CALN1: variants seen among roughly 807,000 people sequenced by gnomAD.
The protein encoded by CALN1 is calneuron 1.
Under a neutral mutation model 30.6 loss-of-function variants are expected in CALN1, and 17 were observed. The observed-to-expected ratio is 0.56, with a 90% CI of 0.38 to 0.83. The LOEUF (loss-of-function observed/expected upper bound fraction) is 0.83, where lower values mean the gene tolerates loss of function less well. CALN1 is among the 40% of genes least tolerant of loss of function. CALN1 has a pLI of 0.00. For synonymous variants in CALN1, 156 were observed against 131.4 expected (o/e 1.19, Z -1.28); for missense variants, 291 against 354.9 (o/e 0.82, Z 1.45).
At chr7:71,926,570 T>C (rs1390658377) in intron 5 of CALN1, among the ~76,000 whole-genome samples, 2 of 152,224 alleles carry the variant, frequency 1.3e-5, no homozygotes, top group South Asian at 2.1e-4. Flanking sequence ...TGCTATTATC[T>C]CTTCAAGTAG....
intron 2 of CALN1, among the ~76,000 whole-genome samples, chr7:72,391,707 T>A (rs1294816965): frequency 1.3e-5 from 2 of 151,972 alleles, no homozygotes; most frequent in South Asian, 2.1e-4. Context: ...TGCACAAGTT[T>A]TTTTGTTTTT....
intron 2 of CALN1, chr7:72,337,295 T>G: frequency 1.0e-6 from 1 of 985,204 alleles, no homozygotes; most frequent in Non-Finnish European, 1.2e-6. Flanking sequence ...CTTGGCCGCC[T>G]GCGCCCCAGC....
At chr7:71,957,886 GA>G (rs1279220357) in intron 5 of CALN1, among the ~76,000 whole-genome samples, 2 of 151,776 alleles carry the variant, frequency 1.3e-5, no homozygotes, top group African/African-American at 4.8e-5. Context: ...CCAACATGAT[GA>G]AACCCCATCT....
rs144263069 is a variant in CALN1, at chr7:72,412,227, C to T, written c.-243G>A. The T allele has an allele frequency of 0.016, 2,367 of 152,400 alleles. 25 individuals are homozygous for T. Among genetic ancestry groups the T allele is most frequent in the Middle Eastern group, 0.027 (8 of 294 alleles). 9.4% of individuals were successfully genotyped at this position (152,400 alleles called of 1,614,324 possible). A position where few individuals can be genotyped will look rare whatever the true frequency, so the allele number is the denominator to read the frequency against. On this transcript the variant is annotated 5_prime_UTR_variant, in exon 1 of 7. Coordinates refer to ENST00000395275, the MANE Select transcript of CALN1 (RefSeq NM_031468.4). ...CTGACTTCAAGAACGAAGACGCAGA[C>T]CGCGGCCGTGAGCTTTAAAGGTGGC...
intron 4 of CALN1, among the ~76,000 whole-genome samples, chr7:72,102,423 C>A (rs761590186): frequency 6.6e-6 from 1 of 151,778 alleles, no homozygotes; most frequent in African/African-American, 2.4e-5. Flanking sequence ...GCAGCCTGGG[C>A]GTAAGACAGA....
At chr7:72,271,084 T>C (rs1796941605) in intron 3 of CALN1, among the ~76,000 whole-genome samples, 1 of 152,208 alleles carries the variant, frequency 6.6e-6, no homozygotes, top group Non-Finnish European at 1.5e-5. Flanking sequence ...TGTGGCTGAC[T>C]GGCAATATAA....
chr7:71,806,262 A>ACACG (rs773464613), intron 6 of CALN1, among the ~76,000 whole-genome samples: 7 of 136,488 alleles, frequency 5.1e-5, no homozygotes, highest in African/African-American at 2.2e-4. Context: ...ACACACACAC[A>ACACG]CACACACAAA....
intron 4 of CALN1, among the ~76,000 whole-genome samples, chr7:72,052,036 C>T (rs1347133040): frequency 6.6e-6 from 1 of 152,086 alleles, no homozygotes; most frequent in Admixed American, 6.6e-5. Flanking sequence ...AATATTATGA[C>T]TTGAGATACA....
intron 2 of CALN1, among the ~76,000 whole-genome samples, chr7:72,380,033 A>G (rs983503107): frequency 1.3e-5 from 2 of 152,250 alleles, no homozygotes; most frequent in Non-Finnish European, 2.9e-5. Flanking sequence ...TATTATAAAT[A>G]GGGTATTTGC....
rs1792849359 is a variant in CALN1, at chr7:71,783,871, T to C, written c.*3904A>G. ...GGATAACTGCAAGATCGTAGACCAT[T>C]TGTCAAGTGAGATTTGAGACAGGGC... On this transcript the variant is annotated 3_prime_UTR_variant, in exon 7 of 7. Coordinates refer to ENST00000395275, the MANE Select transcript of CALN1 (RefSeq NM_031468.4). 6.6e-6 allele frequency: 1 copy of C among 152,534 alleles called. No homozygotes were observed. The allele number at this position is 152,534 out of a possible 1,614,324, so 9.4% of individuals were successfully genotyped here.
chr7:72,493,536 A>T, the CALN1 span, among the ~76,000 whole-genome samples: 1 of 152,090 alleles, frequency 6.6e-6, no homozygotes, highest in Non-Finnish European at 1.5e-5. Context: ...ACAGGGCTTC[A>T]CCATGTTGGC....
At chr7:71,865,009 A>C (rs1584400614) in intron 5 of CALN1, among the ~76,000 whole-genome samples, 1 of 152,250 alleles carries the variant, frequency 6.6e-6, no homozygotes, top group Non-Finnish European at 1.5e-5. Flanking sequence ...TCTCCAAAAA[A>C]GGAAAAAAGA....
intron 4 of CALN1, among the ~76,000 whole-genome samples, chr7:72,062,323 C>T (rs1230667832): frequency 6.6e-6 from 1 of 151,880 alleles, no homozygotes; most frequent in Non-Finnish European, 1.5e-5. Context: ...CCAGTCTGGC[C>T]AACATGGTGA....
chr7:71,978,975 A>G (rs895969095), intron 5 of CALN1, among the ~76,000 whole-genome samples: 2 of 152,184 alleles, frequency 1.3e-5, no homozygotes, highest in Admixed American at 6.5e-5. Context: ...GTTTGCAGAG[A>G]GAACAGCCTT....
At chr7:71,925,903 G>C (rs992648811) in intron 5 of CALN1, among the ~76,000 whole-genome samples, 1 of 152,058 alleles carries the variant, frequency 6.6e-6, no homozygotes, top group African/African-American at 2.4e-5. Context: ...GCCCAGGCTG[G>C]AGTGCAGTGG....
chr7:72,288,450 A>T (rs1798248725), intron 2 of CALN1, among the ~76,000 whole-genome samples: 2 of 152,182 alleles, frequency 1.3e-5, no homozygotes. Flanking sequence ...TGTTTTCATT[A>T]GAACTGTGTC....
At chr7:72,048,042 T>C (rs1378110549) in intron 4 of CALN1, among the ~76,000 whole-genome samples, 7 of 122,090 alleles carry the variant, frequency 5.7e-5, no homozygotes, top group Non-Finnish European at 1.1e-4. Flanking sequence ...CTTCTTCTTC[T>C]TTTTTTTTTT....
the CALN1 span, among the ~76,000 whole-genome samples, chr7:72,453,993 A>AAAAT: frequency 7.4e-5 from 11 of 148,216 alleles, no homozygotes; most frequent in Middle Eastern, 3.5e-3. Context: ...ACAACCAAAA[A>AAAAT]ATATATATAT....
the CALN1 span, among the ~76,000 whole-genome samples, chr7:72,461,168 T>G: frequency 6.6e-6 from 1 of 151,952 alleles, no homozygotes. Flanking sequence ...AAGTAACACA[T>G]CGGTGAGACT....
Sources: allele counts gnomAD v4.1 joint callset (sites outside exome capture counted in the v4.1 genomes callset), GRCh38; gene constraint gnomAD v4.1.1; transcripts MANE v1.5; gene names NCBI Gene and HGNC (gene_info 2026-07-23, HGNC 2026-07-21).